The following SRPK2 variants were observed in gnomAD, a reference collection of about 807,000 sequenced individuals.
SRPK2 encodes the protein SFRS protein kinase 2.
A neutral mutation model predicts 90.8 loss-of-function variants in SRPK2; 21 were observed. That is an observed-to-expected ratio of 0.23 (90% CI 0.16 to 0.33). SRPK2 has a LOEUF of 0.33. SRPK2 is among the 10% of genes least tolerant of loss of function. SRPK2 has a pLI of 1.00. For missense variants in SRPK2, 620 were observed against 869.0 expected (o/e 0.71, Z 3.60); for synonymous variants, 288 against 311.1 (o/e 0.93, Z 0.78).
At chr7:105,195,246 T>C (rs1794776367) in intron 3 of SRPK2, among the ~76,000 whole-genome samples, 3 of 152,188 alleles carry the variant, frequency 2.0e-5, no homozygotes. Flanking sequence ...AGACAGGGCT[T>C]CGATATGTTG....
chr7:105,398,688 A>G (rs1306571180), intron 1 of SRPK2, among the ~76,000 whole-genome samples: 2 of 152,202 alleles, frequency 1.3e-5, no homozygotes, highest in African/African-American at 4.8e-5. Flanking sequence ...CCATTCAATT[A>G]TGAAGCTTAA....
chr7:105,187,224 T>G (rs1038832861), intron 3 of SRPK2, among the ~76,000 whole-genome samples: 1 of 152,228 alleles, frequency 6.6e-6, no homozygotes, highest in South Asian at 2.1e-4. Flanking sequence ...AAGATGTGCC[T>G]TCAATCTTTA....
chr7:105,247,408 GAGA>G (rs2129629083), intron 2 of SRPK2, among the ~76,000 whole-genome samples: 1 of 152,178 alleles, frequency 6.6e-6, no homozygotes, highest in African/African-American at 2.4e-5. Flanking sequence ...AAGAGGGGAA[GAGA>G]AGGTGAGTAA....
chr7:105,218,423 C>A (rs953073840), intron 2 of SRPK2, among the ~76,000 whole-genome samples: 4 of 152,174 alleles, frequency 2.6e-5, no homozygotes, highest in African/African-American at 7.2e-5. Flanking sequence ...GTGACTGATA[C>A]ACACCCATGG....
intron 2 of SRPK2, among the ~76,000 whole-genome samples, chr7:105,359,368 G>A (rs1818174331): frequency 6.6e-6 from 1 of 151,728 alleles, no homozygotes. Flanking sequence ...CTGTGTTAGT[G>A]AGGATGGCCT....
intron 11 of SRPK2, among the ~76,000 whole-genome samples, chr7:105,139,369 G>C (rs1287007229): frequency 6.6e-6 from 1 of 152,154 alleles, no homozygotes; most frequent in Non-Finnish European, 1.5e-5. Context: ...TACTTAGGAG[G>C]TATGACTGGC....
chr7:105,221,693 G>C (rs940953921), intron 2 of SRPK2, among the ~76,000 whole-genome samples: 1 of 151,946 alleles, frequency 6.6e-6, no homozygotes, highest in Admixed American at 6.6e-5. Context: ...CATATCCTTT[G>C]CCATCTATCT....
intron 2 of SRPK2, among the ~76,000 whole-genome samples, chr7:105,255,950 C>T (rs1009962442): frequency 6.7e-6 from 1 of 150,278 alleles, no homozygotes; most frequent in Non-Finnish European, 1.5e-5. Context: ...AGAGAGAGAG[C>T]GAGAACAAGA....
chr7:105,357,042 T>C (rs930416035), intron 2 of SRPK2, among the ~76,000 whole-genome samples: 1 of 152,012 alleles, frequency 6.6e-6, no homozygotes, highest in Non-Finnish European at 1.5e-5. Context: ...CACTAATTTT[T>C]TTTTTTTTTT....
chr7:105,184,890 A>C (rs1217950128), intron 3 of SRPK2, among the ~76,000 whole-genome samples: 3 of 152,122 alleles, frequency 2.0e-5, no homozygotes, highest in Admixed American at 6.6e-5. Context: ...GGACTTTATG[A>C]TAGTTTTTAT....
At chr7:105,140,954 C>A (rs894883869) in intron 11 of SRPK2, among the ~76,000 whole-genome samples, 25 of 151,246 alleles carry the variant, frequency 1.7e-4, no homozygotes, top group African/African-American at 6.1e-4. Flanking sequence ...GAGCAAGACT[C>A]AATCTCATAA....
intron 2 of SRPK2, among the ~76,000 whole-genome samples, chr7:105,207,694 A>G (rs1796381559): frequency 6.6e-6 from 1 of 152,236 alleles, no homozygotes; most frequent in African/African-American, 2.4e-5. Context: ...CTAAAACTAT[A>G]AAACTCTCAG....
intron 2 of SRPK2, among the ~76,000 whole-genome samples, chr7:105,279,916 G>A (rs933633602): frequency 1.3e-5 from 2 of 152,220 alleles, no homozygotes. Context: ...TTCAGCAGGA[G>A]GCCAAGTTTT....
chr7:105,325,221 AC>A (rs1813423246), intron 2 of SRPK2, among the ~76,000 whole-genome samples: 1 of 152,210 alleles, frequency 6.6e-6, no homozygotes, highest in Non-Finnish European at 1.5e-5. Context: ...CACCTTTGAA[AC>A]TAGTGGCTAT....
chr7:105,169,327 C>A, intron 3 of SRPK2, 62 bp from the exon 4 acceptor site: 1 of 1,266,000 alleles, frequency 7.9e-7, no homozygotes, highest in South Asian at 1.2e-5. Flanking sequence ...ATAAACATTT[C>A]ATCTCTTTTG....
intron 2 of SRPK2, among the ~76,000 whole-genome samples, chr7:105,319,210 TAATC>T (rs1255212244): frequency 1.3e-5 from 2 of 152,180 alleles, no homozygotes; most frequent in Non-Finnish European, 2.9e-5. Flanking sequence ...TTCTACACGT[TAATC>T]AAGGAATCAC....
At chr7:105,324,809 C>G (rs890925472) in intron 2 of SRPK2, among the ~76,000 whole-genome samples, 3 of 152,174 alleles carry the variant, frequency 2.0e-5, no homozygotes, top group Non-Finnish European at 4.4e-5. Flanking sequence ...ATTGCTTGAG[C>G]CACGGAGGCG....
intron 2 of SRPK2, among the ~76,000 whole-genome samples, chr7:105,259,507 T>A (rs1337553573): frequency 1.3e-5 from 2 of 152,194 alleles, no homozygotes; most frequent in African/African-American, 2.4e-5. Context: ...TACCAATGAC[T>A]TTCTTCACAG....
At chr7:105,345,472 C>T (rs1365610337) in intron 2 of SRPK2, among the ~76,000 whole-genome samples, 1 of 151,790 alleles carries the variant, frequency 6.6e-6, no homozygotes, top group Non-Finnish European at 1.5e-5. Context: ...ATGCCAAAAA[C>T]TAAACAAATG....
Sources: allele counts gnomAD v4.1 joint callset (sites outside exome capture counted in the v4.1 genomes callset), GRCh38; gene constraint gnomAD v4.1.1; transcripts MANE v1.5; gene names NCBI Gene and HGNC (gene_info 2026-07-23, HGNC 2026-07-21).